The following STIM1 variants were observed in gnomAD, a reference collection of about 807,000 sequenced individuals.
The protein encoded by STIM1 is stromal interaction molecule 1.
A neutral mutation model predicts 74.7 loss-of-function variants in STIM1; 25 were observed. That is an observed-to-expected ratio of 0.33 (90% CI 0.24 to 0.47). The LOEUF is 0.47. Among genes scored for constraint, STIM1 ranks in the 20% least tolerant of loss-of-function variants. The probability of loss-of-function intolerance (pLI) is 1.00; values close to 1 mark genes in which losing one functional copy is unlikely to be tolerated. For missense variants in STIM1, 728 were observed against 920.8 expected (o/e 0.79, Z 2.71); for synonymous variants, 328 against 348.8 (o/e 0.94, Z 0.66).
intron 7 of STIM1, among the ~76,000 whole-genome samples, chr11:4,081,028 A>G (rs796578292): frequency 1.3e-5 from 2 of 152,268 alleles, no homozygotes; most frequent in African/African-American, 4.8e-5. Context: ...ACAGAAACCA[A>G]GTGAAGATTG....
chr11:3,933,440 C>T (rs1307686671), intron 1 of STIM1, among the ~76,000 whole-genome samples: 1 of 152,088 alleles, frequency 6.6e-6, no homozygotes, highest in Non-Finnish European at 1.5e-5. Flanking sequence ...ACTAAGTAAA[C>T]AAGTAAGTAG....
At chr11:4,086,996 C>T (rs2094497846) in intron 12 of STIM1, 9 of 1,303,480 alleles carry the variant, frequency 6.9e-6, no homozygotes, top group Non-Finnish European at 9.2e-6. Context: ...CTGTTTGTTC[C>T]CAGCTCTGGG....
At chr11:3,896,147 G>A (rs951472931) in intron 1 of STIM1, among the ~76,000 whole-genome samples, 11 of 151,912 alleles carry the variant, frequency 7.2e-5, no homozygotes, top group East Asian at 3.9e-4. Flanking sequence ...CTCGTGATCC[G>A]CCCACCTCGG....
At chr11:3,965,578 C>T (rs996794868) in intron 1 of STIM1, among the ~76,000 whole-genome samples, 2 of 152,208 alleles carry the variant, frequency 1.3e-5, no homozygotes, top group Admixed American at 6.5e-5. Context: ...TGGGTGTATT[C>T]TGCTCTCTCC....
intron 6 of STIM1, among the ~76,000 whole-genome samples, chr11:4,070,843 G>A (rs890094925): frequency 1.3e-5 from 2 of 152,132 alleles, no homozygotes; most frequent in East Asian, 1.9e-4. Context: ...GAGAGTGCCC[G>A]TCAGTCAGTC....
chr11:3,905,361 G>T (rs1200649104), intron 1 of STIM1, among the ~76,000 whole-genome samples: 5 of 151,928 alleles, frequency 3.3e-5, no homozygotes, highest in Non-Finnish European at 5.9e-5. Flanking sequence ...GAGGAGGCAG[G>T]TTCAAAGATT....
intron 2 of STIM1, among the ~76,000 whole-genome samples, chr11:4,018,334 C>T (rs1409543537): frequency 6.7e-6 from 1 of 149,758 alleles, no homozygotes; most frequent in Non-Finnish European, 1.5e-5. Context: ...CGCCTGTAGT[C>T]CCAGCTACTC....
chr11:3,920,638 A>T (rs1222842378), intron 1 of STIM1, among the ~76,000 whole-genome samples: 2 of 152,092 alleles, frequency 1.3e-5, no homozygotes, highest in Non-Finnish European at 2.9e-5. Context: ...TGGATACTTG[A>T]CCTGTTGAAT....
chr11:3,862,458 G>A (rs2090653448), intron 1 of STIM1, among the ~76,000 whole-genome samples: 1 of 152,120 alleles, frequency 6.6e-6, no homozygotes, highest in African/African-American at 2.4e-5. Context: ...TTCTACAGGT[G>A]ATAGAGGAGG....
At position 3,953,781 on chromosome 11, in the gene STIM1, TTTC is replaced by T. The variant is rs1565126467; in HGVS notation, c.140-13768_140-13766del. 2.1e-4 allele frequency among the ~76,000 whole-genome samples: 17 copies of T among 81,030 alleles called. 3 individuals are homozygous for T. The highest frequency in any genetic ancestry group is 4.0e-4 in the Admixed American group (3 of 7,592). 53.2% of individuals were successfully genotyped at this position (81,030 alleles called of 152,430 possible). A position where few individuals can be genotyped will look rare whatever the true frequency, so the allele number is the denominator to read the frequency against. On this transcript the variant is annotated intron_variant, in intron 1 of 12. Transcript: ENST00000526596. ...CGGTATTGACTTCTTGATCTTCTTC[TTTC>T]TTTTTTTTTTTTTTTTGAGACAGGG...
At chr11:3,937,077 G>C (rs1178165836) in intron 1 of STIM1, among the ~76,000 whole-genome samples, 3 of 151,948 alleles carry the variant, frequency 2.0e-5, no homozygotes, top group Admixed American at 6.6e-5. Flanking sequence ...AGGCCGAGGA[G>C]TCCAGGAGTT....
intron 2 of STIM1, chr11:3,989,204 TCTC>T: frequency 1.1e-6 from 1 of 914,700 alleles, no homozygotes; most frequent in Non-Finnish European, 1.8e-6. Flanking sequence ...GAGGCTGGAC[TCTC>T]CTCAGTTTTC....
rs111336047 is a variant in STIM1 at position 3,941,585 on chromosome 11, A to ATGTGTGTG, written c.140-25945_140-25938dup. The stretch of plus-strand genomic sequence containing the variant: ...GTATTGCCATAGAAGAAGCATATAT[A>ATGTGTGTG]TGTGTGTGTGTGTGTGTGTGTGTGT... On this transcript the variant is annotated intron_variant, in intron 1 of 12. Transcript: ENST00000526596. Among the ~76,000 whole-genome samples, 946 of 139,616 alleles carry ATGTGTGTG rather than the reference A, an allele frequency of 6.8e-3. 6 individuals are homozygous for ATGTGTGTG. The highest frequency in any genetic ancestry group is 0.018 in the East Asian group (87 of 4,852). The allele number at this position is 139,616 out of a possible 152,430, so 91.6% of individuals were successfully genotyped here.
At chr11:3,985,627 C>G (rs1380059164) in intron 2 of STIM1, among the ~76,000 whole-genome samples, 1 of 152,140 alleles carries the variant, frequency 6.6e-6, no homozygotes, top group African/African-American at 2.4e-5. Flanking sequence ...AATCTGGGCC[C>G]CACAGAGTGG....
In STIM1 at chr11:4,088,533, C is replaced by G. The variant is rs1047590022; in HGVS notation, c.1634+1990C>G. 9.7e-6 allele frequency: 6 copies of G among 616,238 alleles called. No homozygotes were observed. In the African/African-American group the frequency reaches 1.1e-4, roughly 11 times the overall value. The allele number at this position is 616,238 out of a possible 1,614,324, so 38.2% of individuals were successfully genotyped here. A position where few individuals can be genotyped will look rare whatever the true frequency, so the allele number is the denominator to read the frequency against. Reference sequence around the variant, plus strand: ...TCCAAAAGCCTAGGAAGGGAGACTGCTCCTTCCAGTACAGATGGAGAGGAT... The same window carrying G: ...TCCAAAAGCCTAGGAAGGGAGACTGGTCCTTCCAGTACAGATGGAGAGGAT... On this transcript the variant is annotated intron_variant, in intron 12 of 12. Transcript: ENST00000526596.
intron 3 of STIM1, among the ~76,000 whole-genome samples, chr11:4,036,187 C>T (rs1323616222): frequency 1.3e-5 from 2 of 152,156 alleles, no homozygotes; most frequent in African/African-American, 2.4e-5. Context: ...GACATGATCT[C>T]GTTCCTTTTC....
At chr11:3,991,247 TG>T (rs1227921181) in intron 2 of STIM1, among the ~76,000 whole-genome samples, 1 of 148,682 alleles carries the variant, frequency 6.7e-6, no homozygotes, top group East Asian at 2.0e-4. Flanking sequence ...TCCAGCTCAC[TG>T]CAGCCTCAAT....
chr11:4,088,532 G>A, intron 12 of STIM1: 1 of 613,318 alleles, frequency 1.6e-6, no homozygotes, highest in East Asian at 3.0e-5. Flanking sequence ...AAGGGAGACT[G>A]CTCCTTCCAG....
chr11:4,047,382 A>G lies in STIM1; in HGVS notation c.386-8144A>G, dbSNP rs1055746886. 2.6e-5 allele frequency among the ~76,000 whole-genome samples: 4 copies of G among 152,038 alleles called. No homozygotes were observed. In the South Asian group the frequency reaches 6.2e-4, roughly 24 times the overall value. On this transcript the variant is annotated intron_variant, in intron 3 of 12. Transcript: ENST00000526596. ...TGTAATCCCAGCACTTTGTGAGGCCAAGGTGGGAGGATCACTTGAGGCCAG... is the reference window on the plus strand; with the variant it reads ...TGTAATCCCAGCACTTTGTGAGGCCGAGGTGGGAGGATCACTTGAGGCCAG...
Sources: allele counts gnomAD v4.1 joint callset (sites outside exome capture counted in the v4.1 genomes callset), GRCh38; gene constraint gnomAD v4.1.1; transcripts MANE v1.5; gene names NCBI Gene and HGNC (gene_info 2026-07-23, HGNC 2026-07-21).